Variants in SLC44A5 observed in about 807,000 individuals in gnomAD.
SLC44A5 encodes solute carrier family 44 member 5.
SLC44A5 carries 57 observed loss-of-function variants against 101.8 expected under a neutral mutation model. The observed-to-expected ratio is 0.56, with a 90% CI of 0.45 to 0.70. SLC44A5 has a LOEUF of 0.70. Ranked by LOEUF, SLC44A5 falls within the 30% of genes least tolerant of loss-of-function variation. The pLI is 0.00. For synonymous variants in SLC44A5, 281 were observed against 290.9 expected (o/e 0.97, Z 0.35); for missense variants, 737 against 853.1 (o/e 0.86, Z 1.70).
chr1:75,376,699 C>T (rs1356811515), intron 3 of SLC44A5, among the ~76,000 whole-genome samples: 4 of 151,784 alleles, frequency 2.6e-5, no homozygotes, highest in Non-Finnish European at 5.9e-5. Flanking sequence ...TCATCAAAGA[C>T]CAAAAGTAGA....
At chr1:75,719,286 A>G in the SLC44A5 span, among the ~76,000 whole-genome samples, 1 of 152,212 alleles carries the variant, frequency 6.6e-6, no homozygotes, top group Non-Finnish European at 1.5e-5. Flanking sequence ...TTGAGGCTTT[A>G]AAACACTGGA....
the SLC44A5 span, among the ~76,000 whole-genome samples, chr1:75,620,513 A>G: frequency 6.6e-6 from 1 of 152,116 alleles, no homozygotes; most frequent in Non-Finnish European, 1.5e-5. Context: ...CTTTTTAATG[A>G]TCACCATTCT....
the SLC44A5 span, among the ~76,000 whole-genome samples, chr1:75,705,052 T>TC: frequency 1.9e-3 from 290 of 152,318 alleles, 2 homozygotes; most frequent in South Asian, 0.011. Flanking sequence ...TAATCATATG[T>TC]CCCCCCATTA....
In SLC44A5 at chr1:75,571,551, T is replaced by A. The variant is rs1165953062; in HGVS notation, c.-69-30035A>T. On this transcript the variant is annotated intron_variant, in intron 1 of 23. Coordinates refer to ENST00000370859, the MANE Select transcript of SLC44A5 (RefSeq NM_001130058.2). ...ATTCTGGTTTTCACTTTTAGCACAGTATTCAAAAAAAAACATGAGATATTC... is the reference window on the plus strand; with the variant it reads ...ATTCTGGTTTTCACTTTTAGCACAGAATTCAAAAAAAAACATGAGATATTC... 5.9e-5 allele frequency among the ~76,000 whole-genome samples: 9 copies of A among 152,120 alleles called. No homozygotes were observed. The East Asian group carries it at 1.7e-3, about 29-fold the overall frequency.
At chr1:75,445,030 G>T (rs551988517) in intron 2 of SLC44A5, among the ~76,000 whole-genome samples, 3 of 152,106 alleles carry the variant, frequency 2.0e-5, no homozygotes, top group Non-Finnish European at 2.9e-5. Context: ...CTCTCTTGAT[G>T]TAAATTCTCT....
the SLC44A5 span, among the ~76,000 whole-genome samples, chr1:75,709,218 G>A: frequency 6.6e-6 from 1 of 152,156 alleles, no homozygotes; most frequent in Non-Finnish European, 1.5e-5. Context: ...CCAAATGTAT[G>A]CAAGTCCCTC....
chr1:75,403,400 GGGAGA>G (rs1662628577), intron 2 of SLC44A5, among the ~76,000 whole-genome samples: 1 of 152,184 alleles, frequency 6.6e-6, no homozygotes, highest in African/African-American at 2.4e-5. Flanking sequence ...CCTCCTGACT[GGGAGA>G]TACCTCCCAG....
intron 6 of SLC44A5, among the ~76,000 whole-genome samples, chr1:75,254,606 G>A (rs766313003): frequency 3.9e-5 from 6 of 152,136 alleles, no homozygotes; most frequent in Non-Finnish European, 8.8e-5. Flanking sequence ...TGTGGAGGAT[G>A]TGATTTGATC....
the SLC44A5 span, among the ~76,000 whole-genome samples, chr1:75,631,539 ATTTT>A: frequency 2.5e-5 from 2 of 80,832 alleles, no homozygotes; most frequent in South Asian, 1.0e-3. Flanking sequence ...CACCTGGCTA[ATTTT>A]TTTTTTTTTT....
chr1:75,545,281 A>C (rs1034370366), intron 1 of SLC44A5, among the ~76,000 whole-genome samples: 5 of 152,112 alleles, frequency 3.3e-5, no homozygotes, highest in Admixed American at 2.0e-4. Flanking sequence ...GGTTGGTTAC[A>C]AGTCTTTGCT....
chr1:75,436,329 A>C (rs535489733), intron 2 of SLC44A5, among the ~76,000 whole-genome samples: 5 of 152,236 alleles, frequency 3.3e-5, no homozygotes, highest in African/African-American at 9.6e-5. Context: ...ACTTCTATAC[A>C]TGTCACAATT....
Position 75,362,194 on chromosome 1 carries a change from C to CT in SLC44A5, c.53-22565dup, listed in dbSNP as rs539541680. On this transcript the variant is annotated intron_variant, in intron 3 of 23. Transcript: ENST00000370859. Reference sequence around the variant, plus strand: ...GATTTTATTTATTTGAGGCTTCTCTCTTTTTTAATCTAGCTAAGGTTTTGT... The same window carrying CT: ...GATTTTATTTATTTGAGGCTTCTCTCTTTTTTTAATCTAGCTAAGGTTTTGT... Among the ~76,000 whole-genome samples, 25 of 151,468 alleles carry CT rather than the reference C, an allele frequency of 1.7e-4. No individual in the cohort carries two copies. In the South Asian group the frequency reaches 4.0e-3, roughly 24 times the overall value.
At position 75,211,464 on chromosome 1, in the gene SLC44A5, T is replaced by C. The variant is rs1158369212; in HGVS notation, c.2047+4A>G. ...GGGGGAAAACACACATACTGAATAC[T>C]CACAGAAGCAGATGAAAATTGTTTC... is the stretch of plus-strand genomic sequence containing the variant. On this transcript the variant is annotated splice_donor_region_variant and intron_variant, in intron 23 of 23. Coordinates refer to ENST00000370859, the MANE Select transcript of SLC44A5 (RefSeq NM_001130058.2). 1.2e-6 allele frequency: 2 copies of C among 1,609,482 alleles called. No homozygotes were observed. Among genetic ancestry groups the C allele is most frequent in the African/African-American group, 2.7e-5 (2 of 74,768 alleles).
intron 3 of SLC44A5, among the ~76,000 whole-genome samples, chr1:75,361,128 G>T (rs750425885): frequency 6.6e-6 from 1 of 151,878 alleles, no homozygotes; most frequent in South Asian, 2.1e-4. Flanking sequence ...GTGTATAGAG[G>T]TGCTAATGAT....
chr1:75,277,988 C>G (rs1652073566), intron 5 of SLC44A5, among the ~76,000 whole-genome samples: 1 of 152,092 alleles, frequency 6.6e-6, no homozygotes, highest in Non-Finnish European at 1.5e-5. Flanking sequence ...AATTAAGGAG[C>G]TTCTGACATT....
At chr1:75,349,851 A>C (rs949249534) in intron 3 of SLC44A5, among the ~76,000 whole-genome samples, 2 of 152,242 alleles carry the variant, frequency 1.3e-5, no homozygotes, top group East Asian at 3.8e-4. Context: ...AACTTTTATA[A>C]GTATGCAGGC....
the SLC44A5 span, among the ~76,000 whole-genome samples, chr1:75,657,836 A>G: frequency 6.6e-6 from 1 of 152,158 alleles, no homozygotes; most frequent in African/African-American, 2.4e-5. Flanking sequence ...AAAGGACTTC[A>G]CTGTCCCTCT....
At chr1:75,440,000 C>T (rs1042982523) in intron 2 of SLC44A5, among the ~76,000 whole-genome samples, 2 of 151,720 alleles carry the variant, frequency 1.3e-5, no homozygotes, top group Admixed American at 1.3e-4. Context: ...AAATGGAAGC[C>T]AAGAAGACAG....
chr1:75,514,089 C>T (rs1384099641), intron 2 of SLC44A5, among the ~76,000 whole-genome samples: 1 of 152,154 alleles, frequency 6.6e-6, no homozygotes, highest in African/African-American at 2.4e-5. Context: ...AAGCAATTCG[C>T]CCTCTTCATC....
Sources: gnomAD v4.1 joint callset for allele counts (sites outside exome capture counted in the v4.1 genomes callset) on GRCh38, gnomAD v4.1.1 for gene constraint, MANE v1.5 for transcripts, NCBI Gene and HGNC (gene_info 2026-07-23, HGNC 2026-07-21) for gene names.